The following CTNNA2 variants were observed in gnomAD, a reference collection of about 807,000 sequenced individuals.
CTNNA2 encodes catenin alpha-2.
CTNNA2 carries 42 observed loss-of-function variants against 101.0 expected under a neutral mutation model. That is an observed-to-expected ratio of 0.42 (90% CI 0.32 to 0.54). CTNNA2 has a LOEUF of 0.54. CTNNA2 is among the 20% of genes least tolerant of loss of function. The pLI is 0.14. For synonymous variants in CTNNA2, 450 were observed against 456.4 expected (o/e 0.99, Z 0.18); for missense variants, 871 against 1,223.1 (o/e 0.71, Z 4.29).
chr2:79,440,217 A>G (rs1303590697), intron 4 of CTNNA2, among the ~76,000 whole-genome samples: 1 of 152,182 alleles, frequency 6.6e-6, no homozygotes, highest in Non-Finnish European at 1.5e-5. Flanking sequence ...GAGTCCTAAC[A>G]TTATACATGT....
intron 3 of CTNNA2, among the ~76,000 whole-genome samples, chr2:79,769,997 T>G (rs1217178099): frequency 2.0e-5 from 3 of 152,160 alleles, no homozygotes; most frequent in Non-Finnish European, 2.9e-5. Flanking sequence ...TTTACTTAAT[T>G]TTAAATTGTT....
At chr2:79,282,010 A>C (rs550781156) in intron 2 of CTNNA2, among the ~76,000 whole-genome samples, 1 of 152,278 alleles carries the variant, frequency 6.6e-6, no homozygotes, top group South Asian at 2.1e-4. Flanking sequence ...TAAAAGTATG[A>C]ATAATAACAT....
At chr2:79,399,676 A>C (rs1235346189) in intron 4 of CTNNA2, among the ~76,000 whole-genome samples, 1 of 152,086 alleles carries the variant, frequency 6.6e-6, no homozygotes. Flanking sequence ...ATCATTTTAA[A>C]TGTCCAGTTT....
chr2:80,162,522 C>A (rs1466703655), intron 7 of CTNNA2: 13 of 1,603,140 alleles, frequency 8.1e-6, no homozygotes, highest in Middle Eastern at 1.6e-4. Context: ...CTCCAGCCAT[C>A]ATGATTCCTA....
intron 7 of CTNNA2, among the ~76,000 whole-genome samples, chr2:80,216,880 C>T (rs1285683780): frequency 6.7e-6 from 1 of 149,848 alleles, no homozygotes; most frequent in Non-Finnish European, 1.5e-5. Context: ...CTCTGTCACC[C>T]AGGCTGTAGT....
At chr2:80,370,131 T>C (rs925219153) in intron 7 of CTNNA2, among the ~76,000 whole-genome samples, 1 of 152,162 alleles carries the variant, frequency 6.6e-6, no homozygotes, top group African/African-American at 2.4e-5. Context: ...ATTTATATTG[T>C]ACTGCCATGA....
chr2:79,837,182 G>A (rs1679437338), intron 3 of CTNNA2, among the ~76,000 whole-genome samples: 1 of 152,142 alleles, frequency 6.6e-6, no homozygotes, highest in African/African-American at 2.4e-5. Flanking sequence ...TCCCACAATA[G>A]GCCATCTGCA....
intron 7 of CTNNA2, among the ~76,000 whole-genome samples, chr2:79,982,267 A>G (rs1415566728): frequency 2.2e-5 from 2 of 90,750 alleles, no homozygotes; most frequent in Admixed American, 1.1e-4. Context: ...CACACACATA[A>G]CATATATATA....
intron 2 of CTNNA2, among the ~76,000 whole-genome samples, chr2:79,695,036 T>TG (rs1558846346): frequency 2.1e-4 from 32 of 151,490 alleles, no homozygotes; most frequent in South Asian, 1.7e-3. Context: ...TTTTTTTTTT[T>TG]TGGGGTATTA....
intron 7 of CTNNA2, among the ~76,000 whole-genome samples, chr2:80,272,723 T>C (rs958449219): frequency 6.6e-6 from 1 of 152,236 alleles, no homozygotes; most frequent in Non-Finnish European, 1.5e-5. Context: ...TATATTTTAG[T>C]ATAAGTATGT....
intron 5 of CTNNA2, among the ~76,000 whole-genome samples, chr2:79,507,842 A>G (rs1671447516): frequency 6.6e-6 from 1 of 152,172 alleles, no homozygotes; most frequent in South Asian, 2.1e-4. Context: ...ATTTCTCTTA[A>G]ATGAACTTCA....
chr2:79,814,818 G>T (rs138025421), intron 3 of CTNNA2, among the ~76,000 whole-genome samples: 319 of 152,152 alleles, frequency 2.1e-3, no homozygotes, highest in African/African-American at 7.4e-3. Flanking sequence ...TGGATCAAAT[G>T]GTAGTACTTT....
intron 7 of CTNNA2, among the ~76,000 whole-genome samples, chr2:80,381,337 A>C (rs2149349304): frequency 6.6e-6 from 1 of 152,190 alleles, no homozygotes; most frequent in African/African-American, 2.4e-5. Context: ...GTGTGCAAAT[A>C]GTTAAAATAT....
At chr2:79,265,134 A>G (rs1674972686) in intron 2 of CTNNA2, among the ~76,000 whole-genome samples, 1 of 152,180 alleles carries the variant, frequency 6.6e-6, no homozygotes, top group African/African-American at 2.4e-5. Context: ...CACAATCACA[A>G]TTTTACTCAT....
At chr2:79,865,583 A>T (rs1682011736) in intron 4 of CTNNA2, among the ~76,000 whole-genome samples, 1 of 152,172 alleles carries the variant, frequency 6.6e-6, no homozygotes, top group Admixed American at 6.5e-5. Flanking sequence ...TTCTACAGGG[A>T]ACCAGAACAC....
At chr2:80,597,917 C>T (rs901678749) in intron 15 of CTNNA2, among the ~76,000 whole-genome samples, 4 of 152,244 alleles carry the variant, frequency 2.6e-5, no homozygotes, top group East Asian at 1.9e-4. Context: ...GTGGTGATTA[C>T]TCAAAGATCT....
chr2:80,381,042 C>A (rs1345784812), intron 7 of CTNNA2, among the ~76,000 whole-genome samples: 2 of 151,920 alleles, frequency 1.3e-5, no homozygotes, highest in South Asian at 2.1e-4. Flanking sequence ...TGAGGGAATG[C>A]CCCAAGAGAT....
chr2:80,147,935 C>T lies in CTNNA2; in HGVS notation c.1056+238138C>T, dbSNP rs546658525. 8.9e-4 allele frequency among the ~76,000 whole-genome samples: 136 copies of T among 152,336 alleles called. 1 individual carries two copies. Among genetic ancestry groups the T allele is most frequent in the African/African-American group, 3.0e-3 (123 of 41,590 alleles). ...GGGGAAAGTTTTGTCTTCACGGAGT[C>T]AGTGTGGCTCATCTGTCTTTATTAA... On this transcript the variant is annotated intron_variant, in intron 7 of 18. Coordinates refer to ENST00000402739, the MANE Select transcript of CTNNA2 (RefSeq NM_001282597.3).
At chr2:80,101,358 CTG>C (rs1368836493) in intron 7 of CTNNA2, among the ~76,000 whole-genome samples, 1 of 152,184 alleles carries the variant, frequency 6.6e-6, no homozygotes, top group Non-Finnish European at 1.5e-5. Flanking sequence ...ACAGTTGACA[CTG>C]TACATTATGA....
Sources: allele counts gnomAD v4.1 joint callset (sites outside exome capture counted in the v4.1 genomes callset), GRCh38; gene constraint gnomAD v4.1.1; transcripts MANE v1.5; gene names NCBI Gene and HGNC (gene_info 2026-07-23, HGNC 2026-07-21).